Variants in MAML3 observed in about 807,000 individuals in gnomAD.
MAML3 encodes mastermind-like protein 3.
In MAML3, 27 loss-of-function variants were observed where a neutral mutation model predicts 101.9. That is an observed-to-expected ratio of 0.27 (90% confidence interval 0.20 to 0.37). The LOEUF is 0.37. Ranked by LOEUF, MAML3 falls within the 10% of genes least tolerant of loss-of-function variation. The pLI is 1.00. For missense variants in MAML3, 1,316 were observed against 1,444.9 expected (o/e 0.91, Z 1.45); for synonymous variants, 501 against 555.9 (o/e 0.90, Z 1.39).
intron 1 of MAML3, among the ~76,000 whole-genome samples, chr4:140,098,491 C>T (rs1578683650): frequency 6.6e-6 from 1 of 152,324 alleles, no homozygotes; most frequent in Admixed American, 6.5e-5. Context: ...AACACAGAGC[C>T]TCACCAACCA....
intron 2 of MAML3, among the ~76,000 whole-genome samples, chr4:139,806,261 A>C (rs1379416450): frequency 6.6e-6 from 1 of 152,148 alleles, no homozygotes; most frequent in African/African-American, 2.4e-5. Flanking sequence ...ATAATATGTA[A>C]GTTTTTTAGA....
intron 1 of MAML3, among the ~76,000 whole-genome samples, chr4:139,948,460 T>C (rs1692136278): frequency 6.6e-6 from 1 of 152,220 alleles, no homozygotes; most frequent in Non-Finnish European, 1.5e-5. Context: ...ACATTTAACA[T>C]TCATAGGTGT....
chr4:139,722,159 T>G (rs1728263218), intron 4 of MAML3, among the ~76,000 whole-genome samples: 1 of 152,200 alleles, frequency 6.6e-6, no homozygotes, highest in Non-Finnish European at 1.5e-5. Flanking sequence ...GTTCCTTTCT[T>G]TAGAGGGCAG....
intron 1 of MAML3, among the ~76,000 whole-genome samples, chr4:140,143,870 A>C (rs1729015310): frequency 6.6e-6 from 1 of 152,250 alleles, no homozygotes; most frequent in Non-Finnish European, 1.5e-5. Flanking sequence ...CTGCCATGCA[A>C]CACAGCAGTC....
intron 1 of MAML3, among the ~76,000 whole-genome samples, chr4:139,913,904 T>C (rs1374808941): frequency 1.3e-5 from 2 of 152,224 alleles, no homozygotes; most frequent in Admixed American, 1.3e-4. Context: ...AAATATTTCT[T>C]GCTTTTGTTA....
chr4:140,131,446 G>A (rs1321344505), intron 1 of MAML3, among the ~76,000 whole-genome samples: 1 of 152,184 alleles, frequency 6.6e-6, no homozygotes, highest in Non-Finnish European at 1.5e-5. Context: ...ATAGAACTTA[G>A]TACAGAGGCA....
At chr4:139,787,628 T>A (rs1730330079) in intron 2 of MAML3, among the ~76,000 whole-genome samples, 1 of 152,336 alleles carries the variant, frequency 6.6e-6, no homozygotes, top group African/African-American at 2.4e-5. Context: ...TTCTGTATTA[T>A]TTTTTATTTT....
intron 1 of MAML3, among the ~76,000 whole-genome samples, chr4:140,046,624 C>T (rs1340516814): frequency 1.3e-5 from 2 of 152,098 alleles, no homozygotes. Context: ...TCTTCAGTGC[C>T]TACTGGCTGC....
intron 2 of MAML3, among the ~76,000 whole-genome samples, chr4:139,845,959 T>C (rs549049336): frequency 2.0e-5 from 3 of 152,294 alleles, no homozygotes; most frequent in East Asian, 3.9e-4. Flanking sequence ...CTAGAATATA[T>C]TTTTAGGAGT....
At chr4:139,796,195 C>T (rs1044612177) in intron 2 of MAML3, among the ~76,000 whole-genome samples, 8 of 152,104 alleles carry the variant, frequency 5.3e-5, no homozygotes, top group Admixed American at 1.3e-4. Flanking sequence ...TAATCTCTGG[C>T]TTACAGATAT....
chr4:139,956,274 T>C lies in MAML3; in HGVS notation c.469-65307A>G, dbSNP rs80216253. On this transcript the variant is annotated intron_variant, in intron 1 of 4. Transcript: ENST00000509479. ...CTGTAAGTCAACTCTAGATGTAAAATACTAGCATTATTGCTGTGGATGTAG... is the reference window on the plus strand; with the variant it reads ...CTGTAAGTCAACTCTAGATGTAAAACACTAGCATTATTGCTGTGGATGTAG... Among the ~76,000 whole-genome samples the C allele has an allele frequency of 1.5e-3, 230 of 152,314 alleles. 4 individuals carry two copies. In the East Asian group the frequency reaches 0.037, roughly 25 times the overall value.
intron 2 of MAML3, among the ~76,000 whole-genome samples, chr4:139,798,744 A>C (rs1392240367): frequency 6.6e-6 from 1 of 152,226 alleles, no homozygotes; most frequent in African/African-American, 2.4e-5. Context: ...AGAGACTGAC[A>C]TTCTGCCAGT....
intron 2 of MAML3, among the ~76,000 whole-genome samples, chr4:139,762,381 G>A (rs150265123): frequency 1.1e-4 from 17 of 152,254 alleles, no homozygotes; most frequent in African/African-American, 4.1e-4. Flanking sequence ...CATGAATAAG[G>A]GACAGTGATT....
At chr4:139,941,548 G>T (rs551850454) in intron 1 of MAML3, among the ~76,000 whole-genome samples, 6,298 of 149,552 alleles carry the variant, frequency 0.042, 180 homozygotes, top group Non-Finnish European at 0.062. Flanking sequence ...GTTGTTGGTG[G>T]TGGTGGTGGT....
At chr4:140,029,801 GT>G (rs1726879383) in intron 1 of MAML3, among the ~76,000 whole-genome samples, 1 of 152,058 alleles carries the variant, frequency 6.6e-6, no homozygotes, top group Non-Finnish European at 1.5e-5. Context: ...CTAACATTTT[GT>G]TTTTTAAAAT....
intron 2 of MAML3, among the ~76,000 whole-genome samples, chr4:139,840,400 C>T (rs934215089): frequency 5.9e-5 from 9 of 152,122 alleles, no homozygotes; most frequent in Non-Finnish European, 1.2e-4. Context: ...CTCAGAGCTT[C>T]GTGATTCGGT....
intron 1 of MAML3, chr4:140,134,697 C>T (rs185669317): frequency 2.1e-4 from 56 of 264,622 alleles, no homozygotes; most frequent in East Asian, 8.2e-4. Flanking sequence ...AAAAGAAATT[C>T]GCTTGTCCCA....
rs558349765 is a variant in MAML3 at position 140,018,395 on chromosome 4, A to G, written c.469-127428T>C. On this transcript the variant is annotated intron_variant, in intron 1 of 4. Coordinates refer to ENST00000509479, the MANE Select transcript of MAML3 (RefSeq NM_018717.5). ...ACTATAATATTTTTGTAGCAGTGAA[A>G]GAGCAAATGTTTTAAAGAAGAAAAC... is the stretch of plus-strand genomic sequence containing the variant. Among the ~76,000 whole-genome samples the G allele has an allele frequency of 2.4e-3, 370 of 152,336 alleles. 1 individual carries two copies. Among genetic ancestry groups the G allele is most frequent in the African/African-American group, 8.3e-3 (346 of 41,596 alleles).
At chr4:140,144,966 C>G (rs1729035511) in intron 1 of MAML3, among the ~76,000 whole-genome samples, 1 of 152,164 alleles carries the variant, frequency 6.6e-6, no homozygotes, top group Non-Finnish European at 1.5e-5. Context: ...ATCTAACAAA[C>G]AAAGAAAAAT....
Sources: allele counts gnomAD v4.1 joint callset (sites outside exome capture counted in the v4.1 genomes callset), GRCh38; gene constraint gnomAD v4.1.1; transcripts MANE v1.5; gene names NCBI Gene and HGNC (gene_info 2026-07-23, HGNC 2026-07-21).